The following CREB1 variants were observed in gnomAD, a reference collection of about 807,000 sequenced individuals.
CREB1 encodes the protein cyclic AMP-responsive element-binding protein 1.
In CREB1, 2 loss-of-function variants were observed where a neutral mutation model predicts 42.0. That is an observed-to-expected ratio of 0.05 (90% CI 0.02 to 0.15). The LOEUF (loss-of-function observed/expected upper bound fraction) is 0.15. Among genes scored for constraint, CREB1 ranks in the 10% least tolerant of loss-of-function variants. CREB1 has a pLI of 1.00. For missense variants in CREB1, 199 were observed against 388.9 expected (o/e 0.51, Z 4.11); for synonymous variants, 123 against 139.9 (o/e 0.88, Z 0.85).
At chr2:207,570,743 G>A (rs1256672333) in intron 5 of CREB1, among the ~76,000 whole-genome samples, 2 of 152,066 alleles carry the variant, frequency 1.3e-5, no homozygotes, top group Non-Finnish European at 2.9e-5. Context: ...TAATGTCTTC[G>A]TATTTAATAA....
At chr2:207,544,373 A>G (rs1479189327) in intron 1 of CREB1, among the ~76,000 whole-genome samples, 1 of 152,126 alleles carries the variant, frequency 6.6e-6, no homozygotes, top group Non-Finnish European at 1.5e-5. Context: ...TCCACAGTTC[A>G]TTGTATTCCT....
intron 1 of CREB1, among the ~76,000 whole-genome samples, chr2:207,546,226 A>G (rs1338055384): frequency 6.6e-6 from 1 of 152,176 alleles, no homozygotes; most frequent in Non-Finnish European, 1.5e-5. Context: ...GGTTGGTGAA[A>G]AACAGTACAT....
rs1553508763 is a variant in CREB1, at chr2:207,590,107, T to TTA, written c.840-6807_840-6806insTA. ...AGTTTTTTTTTTTTTTTTTTTTTTT[T>TTA]AATAGATACGGGATCATTCAGACTA... On this transcript the variant is annotated intron_variant, in intron 7 of 7. Coordinates refer to ENST00000353267, the MANE Select transcript of CREB1 (RefSeq NM_004379.5). Among the ~76,000 whole-genome samples the TTA allele has an allele frequency of 8.3e-4, 113 of 135,642 alleles. No individual in the cohort carries two copies. In the East Asian group the frequency reaches 9.1e-3, roughly 11 times the overall value. The allele number at this position is 135,642 out of a possible 152,430, so 89.0% of individuals were successfully genotyped here.
At chr2:207,541,758 C>T (rs2081107785) in intron 1 of CREB1, among the ~76,000 whole-genome samples, 1 of 152,162 alleles carries the variant, frequency 6.6e-6, no homozygotes, top group Non-Finnish European at 1.5e-5. Context: ...TCAGTATATT[C>T]ACAAAGTTGT....
intron 3 of CREB1, among the ~76,000 whole-genome samples, chr2:207,565,639 A>G (rs1343349792): frequency 1.3e-5 from 2 of 152,142 alleles, no homozygotes; most frequent in Non-Finnish European, 2.9e-5. Context: ...GTGAGTTCCA[A>G]CTTGGAAGGG....
At chr2:207,548,122 G>A (rs1235496714) in intron 1 of CREB1, among the ~76,000 whole-genome samples, 2 of 151,856 alleles carry the variant, frequency 1.3e-5, no homozygotes, top group Non-Finnish European at 1.5e-5. Flanking sequence ...TAGTAGAGAC[G>A]GGGTTTCACA....
At chr2:207,545,906 T>C (rs1281166280) in intron 1 of CREB1, among the ~76,000 whole-genome samples, 1 of 152,062 alleles carries the variant, frequency 6.6e-6, no homozygotes, top group Non-Finnish European at 1.5e-5. Flanking sequence ...GCTAATTTTG[T>C]ATTTTTTTAG....
At chr2:207,551,974 G>A (rs1178426518) in intron 1 of CREB1, among the ~76,000 whole-genome samples, 12 of 145,564 alleles carry the variant, frequency 8.2e-5, no homozygotes, top group African/African-American at 3.0e-4. Flanking sequence ...CCTGGGAGGC[G>A]GAGGTTGCAG....
chr2:207,565,499 T>G (rs1389290901), intron 3 of CREB1, among the ~76,000 whole-genome samples: 1 of 152,050 alleles, frequency 6.6e-6, no homozygotes, highest in Non-Finnish European at 1.5e-5. Context: ...TTTTTTTTTT[T>G]TTTCATTAAG....
chr2:207,547,227 C>T (rs1230500373), intron 1 of CREB1, among the ~76,000 whole-genome samples: 1 of 152,180 alleles, frequency 6.6e-6, no homozygotes. Flanking sequence ...ACAGATGTTA[C>T]TTCATAAACT....
intron 7 of CREB1, chr2:207,582,155 C>T (rs1411857265): frequency 1.6e-5 from 11 of 702,784 alleles, no homozygotes; most frequent in African/African-American, 3.5e-5. Context: ...AATTAAATTC[C>T]ACCTCCTAAA....
intron 7 of CREB1, among the ~76,000 whole-genome samples, chr2:207,590,213 A>AG: frequency 6.6e-6 from 1 of 150,568 alleles, no homozygotes; most frequent in East Asian, 2.0e-4. Context: ...TCATGACCAT[A>AG]GAGTTGTTTG....
chr2:207,569,355 G>T (rs142360586), intron 4 of CREB1, among the ~76,000 whole-genome samples: 1 of 152,192 alleles, frequency 6.6e-6, no homozygotes, highest in Non-Finnish European at 1.5e-5. Context: ...CTTATATCGG[G>T]ATTGTGCCAG....
At chr2:207,559,924 A>C (rs529248880) in intron 2 of CREB1, among the ~76,000 whole-genome samples, 1 of 152,334 alleles carries the variant, frequency 6.6e-6, no homozygotes, top group East Asian at 1.9e-4. Context: ...GTAAAGTGCC[A>C]TACAAATAAA....
chr2:207,596,812 G>T, intron 7 of CREB1, 102 bp from the exon 8 acceptor site: 1 of 1,319,522 alleles, frequency 7.6e-7, no homozygotes, highest in Non-Finnish European at 1.1e-6. Flanking sequence ...TAAAATGTTG[G>T]TTGCTGTGAG....
In CREB1 at chr2:207,583,378, C is replaced by T. The variant is rs1574921575; in HGVS notation, c.839+5723C>T. Among the ~76,000 whole-genome samples the T allele has an allele frequency of 2.0e-5, 3 of 152,290 alleles. No homozygotes were observed. The East Asian group carries it at 5.8e-4, about 29-fold the overall frequency. On this transcript the variant is annotated intron_variant, in intron 7 of 7. Coordinates refer to ENST00000353267, the MANE Select transcript of CREB1 (RefSeq NM_004379.5). ...CTTTGCCTGTTTGTAACTTCTTTCT[C>T]CGACAGAAACTTGGCTTATATGTTT...
intron 1 of CREB1, among the ~76,000 whole-genome samples, chr2:207,546,478 A>G (rs1285374676): frequency 1.3e-5 from 2 of 152,112 alleles, no homozygotes; most frequent in African/African-American, 2.4e-5. Context: ...GGTAATCCCA[A>G]CACTTTGAGA....
chr2:207,581,897 G>C, intron 7 of CREB1: 1 of 702,900 alleles, frequency 1.4e-6, no homozygotes. Flanking sequence ...GAAGAGTAGT[G>C]ATCTGTTTTC....
intron 1 of CREB1, among the ~76,000 whole-genome samples, chr2:207,535,824 A>ATT (rs1375884511): frequency 5.6e-4 from 30 of 53,458 alleles, no homozygotes; most frequent in South Asian, 3.3e-3. Flanking sequence ...ATTTATTTTT[A>ATT]TTTATTTATT....
Sources: gnomAD v4.1 joint callset for allele counts (sites outside exome capture counted in the v4.1 genomes callset) on GRCh38, gnomAD v4.1.1 for gene constraint, MANE v1.5 for transcripts, NCBI Gene and HGNC (gene_info 2026-07-23, HGNC 2026-07-21) for gene names.